Variants in PROB1 observed in about 807,000 individuals in gnomAD.
The protein encoded by PROB1 is proline rich basic protein 1, also known as proline-rich basic protein 1.
For synonymous variants in PROB1, 660 were observed against 699.3 expected (o/e 0.94, Z 0.89); for missense variants, 1,453 against 1,485.7 (o/e 0.98, Z 0.36).
rs992477832 is a variant in PROB1 at position 139,393,799 on chromosome 5, G to A, written c.1283C>T (p.Pro428Leu). Residue 428 changes from proline (P) to leucine (L), a missense_variant, in exon 1 of 1, where the codon CCA becomes CTA. By Grantham distance (98) the Pro-to-Leu change is moderately conservative (BLOSUM62 -3). Transcript: ENST00000434752. ...WDRTTRRVSS[P>L]LFPEASSEWE... ...CTCGGAGGAGGCTTCAGGGAACAAT[G>A]GGCTACTCACCCTCCGAGTAGTCCG... 2.1e-5 allele frequency: 32 copies of A among 1,551,294 alleles called. No individual in the cohort carries two copies. Among genetic ancestry groups the A allele is most frequent in the Non-Finnish European group, 2.7e-5 (31 of 1,146,986 alleles).
chr5:139,394,428 A>G lies in PROB1; in HGVS notation c.654T>C (p.Ser218=). Residue 218 remains serine, a synonymous_variant, in exon 1 of 1, where the codon AGT becomes AGC. Coordinates refer to ENST00000434752, the MANE Select transcript of PROB1 (RefSeq NM_001161546.2). Reference sequence around the variant, plus strand: ...GCGGCGCGCCGGCCGCCCTTGGGGGACTCTGGGGCCGGGGGCGCAGCTCGA... The same window carrying G: ...GCGGCGCGCCGGCCGCCCTTGGGGGGCTCTGGGGCCGGGGGCGCAGCTCGA... ...RQIELRPRPQ[S]PPRAAGAPRP... 1 of 1,390,132 alleles carries G rather than the reference A, an allele frequency of 7.2e-7. No individual in the cohort carries two copies. The highest frequency in any genetic ancestry group is 2.9e-5 in the East Asian group (1 of 34,058). The allele number at this position is 1,390,132 out of a possible 1,614,324, so 86.1% of individuals were successfully genotyped here.
Position 139,395,017 on chromosome 5 carries a change from G to A in PROB1, c.65C>T (p.Ala22Val). Reference sequence around the variant, plus strand: ...CGAACCGGAGGAGTCCTGGCGCCGCGCGGGGGCCGTGGGCAGCTGCCTCGG... The same window carrying A: ...CGAACCGGAGGAGTCCTGGCGCCGCACGGGGGCCGTGGGCAGCTGCCTCGG... ...GIPRQLPTAP[A>V]RRQDSSGSSG... is the part of the protein sequence containing the mutation. The change falls in exon 1 of 1, where the codon GCG (alanine) becomes GTG (valine). Residue 22 changes from alanine to valine, a missense_variant. Ala to Val is a moderately conservative substitution (Grantham distance 64). Transcript: ENST00000434752. The A allele has an allele frequency of 6.8e-7, 1 of 1,460,128 alleles. No homozygotes were observed. The highest frequency in any genetic ancestry group is 9.0e-7 in the Non-Finnish European group (1 of 1,107,486). 90.4% of individuals were successfully genotyped at this position (1,460,128 alleles called of 1,614,324 possible).
Position 139,393,519 on chromosome 5 carries a change from T to C in PROB1, c.1563A>G (p.Thr521=), listed in dbSNP as rs1344550826. The C allele has an allele frequency of 3.9e-6, 6 of 1,551,430 alleles. No homozygotes were observed. The highest frequency in any genetic ancestry group is 5.2e-6 in the Non-Finnish European group (6 of 1,146,920). Residue 521 remains threonine (T), a synonymous_variant, in exon 1 of 1, where the codon ACA becomes ACG. Coordinates refer to ENST00000434752, the MANE Select transcript of PROB1 (RefSeq NM_001161546.2). ...IGTWGPSPQE[T]WDPMGPGSSI... ...ATGAGCCCGGCCCCATGGGATCCCA[T>C]GTCTCTTGGGGAGATGGGCCCCAAG... is the stretch of plus-strand genomic sequence containing the variant.
rs1758595899 is a variant in PROB1 at position 139,391,100 on chromosome 5, A to T, written c.*934T>A. The T allele has an allele frequency of 6.6e-6, 1 of 152,096 alleles. No homozygotes were observed. Among genetic ancestry groups the T allele is most frequent in the South Asian group, 2.1e-4 (1 of 4,818 alleles). 9.4% of individuals were successfully genotyped at this position (152,096 alleles called of 1,614,324 possible). A position where few individuals can be genotyped will look rare whatever the true frequency, so the allele number is the denominator to read the frequency against. ...ATTGTTGCCACATCTGTTACTGGGG[A>T]GTGGAACCTGCCAAGAGCTTCAGAT... On this transcript the variant is annotated 3_prime_UTR_variant, in exon 1 of 1. Coordinates refer to ENST00000434752, the MANE Select transcript of PROB1 (RefSeq NM_001161546.2). The surrounding 1 kb of genome is among the most constrained non-coding windows in gnomAD (Gnocchi z 4.8).
rs1262807131 is a variant in PROB1, at chr5:139,394,815, C to T, written c.267G>A (p.Pro89=). ...RQRHGPGSGF[P]RGPGSGPRPP... ...GCCGTGGGCCGGAACCTGGGCCTCG[C>T]GGGAAACCCGAGCCGGGCCCGTGCC... Residue 89 remains proline (P), a synonymous_variant, in exon 1 of 1, where the codon CCG becomes CCA. Coordinates refer to ENST00000434752, the MANE Select transcript of PROB1 (RefSeq NM_001161546.2). 6.5e-7 allele frequency: 1 copy of T among 1,529,230 alleles called. No individual in the cohort carries two copies. The highest frequency in any genetic ancestry group is 2.0e-5 in the Admixed American group (1 of 49,002). 94.7% of individuals were successfully genotyped at this position (1,529,230 alleles called of 1,614,324 possible).
Position 139,394,401 on chromosome 5 carries a change from G to C in PROB1, c.681C>G (p.Arg227=), listed in dbSNP as rs925416840. ...AACCGGTGCGCAGGAGCAGCCGGGGGCGCGGCGCGCCGGCCGCCCTTGGGG... is the reference window on the plus strand; with the variant it reads ...AACCGGTGCGCAGGAGCAGCCGGGGCCGCGGCGCGCCGGCCGCCCTTGGGG... ...QSPPRAAGAP[R]PRLLLRTGSL... is the part of the protein sequence containing the mutation. Residue 227 remains arginine, a synonymous_variant, in exon 1 of 1, where the codon CGC becomes CGG. Coordinates refer to ENST00000434752, the MANE Select transcript of PROB1 (RefSeq NM_001161546.2). The C allele has an allele frequency of 2.2e-6, 3 of 1,390,410 alleles. No individual in the cohort carries two copies. The highest frequency in any genetic ancestry group is 3.1e-5 in the African/African-American group (2 of 65,156). 86.1% of individuals were successfully genotyped at this position (1,390,410 alleles called of 1,614,324 possible). A position where few individuals can be genotyped will look rare whatever the true frequency, so the allele number is the denominator to read the frequency against.
At position 139,394,240 on chromosome 5, in the gene PROB1, G is replaced by T; in HGVS notation, c.842C>A (p.Thr281Asn). ...GTGGGTGCTGCGGGCCGTTTCCCGGGTCTCAGGTTCCGACCGCCCCGTGGA... is the reference window on the plus strand; with the variant it reads ...GTGGGTGCTGCGGGCCGTTTCCCGGTTCTCAGGTTCCGACCGCCCCGTGGA... Reference protein sequence around the residue: ...FGSTGRSEPETRETARSTHVV... With the variant: ...FGSTGRSEPENRETARSTHVV... Residue 281 changes from threonine (T) to asparagine (N), a missense_variant, in exon 1 of 1, where the codon ACC (threonine) becomes AAC (asparagine). Transcript: ENST00000434752. The T allele has an allele frequency of 2.6e-6, 4 of 1,548,530 alleles. No individual in the cohort carries two copies. The highest frequency in any genetic ancestry group is 1.7e-4 in the Middle Eastern group (1 of 5,982).
rs1027798141 is a variant in PROB1 at position 139,393,744 on chromosome 5, T to G, written c.1338A>C (p.Glu446Asp). Reference protein sequence around the residue: ...EWENQNPAVEETVSRRSPSPP... With the variant: ...EWENQNPAVEDTVSRRSPSPP... ...GGGAAGGGCTTCTCCTGCTGACAGTTTCCTCGACGGCAGGATTTTGATTTT... is the reference window on the plus strand; with the variant it reads ...GGGAAGGGCTTCTCCTGCTGACAGTGTCCTCGACGGCAGGATTTTGATTTT... The change falls in exon 1 of 1, where the codon GAA (glutamate) becomes GAC (aspartate). Residue 446 changes from glutamate (E) to aspartate (D), a missense_variant. Transcript: ENST00000434752. The G allele has an allele frequency of 5.2e-6, 8 of 1,551,276 alleles. No homozygotes were observed. The highest frequency in any genetic ancestry group is 7.0e-6 in the Non-Finnish European group (8 of 1,146,964).
chr5:139,393,402 T>C lies in PROB1; in HGVS notation c.1680A>G (p.Thr560=). The C allele has an allele frequency of 6.4e-7, 1 of 1,551,676 alleles. No homozygotes were observed. Among genetic ancestry groups the C allele is most frequent in the Non-Finnish European group, 8.7e-7 (1 of 1,146,998 alleles). ...CCCGCGTGGATGGACTCTGCATCTC[T>C]GTTGGTTCTGGAGTGCCGGGTGCGG... ...TPSAPGTPEP[T]EMQSPSTREI... The change falls in exon 1 of 1, where the codon ACA becomes ACG. Residue 560 remains threonine, a synonymous_variant. Coordinates refer to ENST00000434752, the MANE Select transcript of PROB1 (RefSeq NM_001161546.2).
chr5:139,393,751 AC>A lies in PROB1; in HGVS notation c.1330del (p.Val444SerfsTer88). The A allele has an allele frequency of 1.3e-6, 2 of 1,551,310 alleles. No individual in the cohort carries two copies. The highest frequency in any genetic ancestry group is 1.7e-6 in the Non-Finnish European group (2 of 1,146,958). ...GCTTCTCCTGCTGACAGTTTCCTCG[AC>A]GGCAGGATTTTGATTTTCCCACTCG... ...SSEWENQNPA[V>X]EETVSRRSPS... On this transcript the variant is annotated frameshift_variant, in exon 1 of 1. Transcript: ENST00000434752. LOFTEE classifies it low-confidence loss of function (END_TRUNC).
chr5:139,394,937 C>T lies in PROB1; in HGVS notation c.145G>A (p.Asp49Asn), dbSNP rs1316537011. 2.9e-5 allele frequency: 44 copies of T among 1,520,820 alleles called. No individual in the cohort carries two copies. The East Asian group carries it at 1.2e-3, about 40-fold the overall frequency. 94.2% of individuals were successfully genotyped at this position (1,520,820 alleles called of 1,614,324 possible). ...GGCCAATTCGCTGGGCCTTTCGCGT[C>T]CGGCCCAACGTCCGGGGGCTCCGGA... is the stretch of plus-strand genomic sequence containing the variant. The part of the protein sequence containing the change: ...GSPEPPDVGP[D>N]AKGPANWPWV... Residue 49 changes from aspartate (D) to asparagine (N), a missense_variant, in exon 1 of 1, where the codon GAC (aspartate) becomes AAC (asparagine). Physicochemically the swap from Asp to Asn is conservative, Grantham distance 23 (BLOSUM62 1). Transcript: ENST00000434752.
At position 139,391,814 on chromosome 5, in the gene PROB1, T is replaced by C. The variant is rs948907391; in HGVS notation, c.*220A>G. The C allele has an allele frequency of 1.4e-4, 58 of 408,522 alleles. No homozygotes were observed. In the Admixed American group the frequency reaches 1.7e-3, roughly 12 times the overall value. 25.3% of individuals were successfully genotyped at this position (408,522 alleles called of 1,614,324 possible). ...TGGGAATGCCTGGGAAAGGGATACATAATTTTGTTGGGGGAGGAAGTAGGC... is the reference window on the plus strand; with the variant it reads ...TGGGAATGCCTGGGAAAGGGATACACAATTTTGTTGGGGGAGGAAGTAGGC... On this transcript the variant is annotated 3_prime_UTR_variant, in exon 1 of 1. Transcript: ENST00000434752. The surrounding 1 kb of genome is among the most constrained non-coding windows in gnomAD (Gnocchi z 4.8).
In PROB1 at chr5:139,393,008, G is replaced by C; in HGVS notation, c.2074C>G (p.Pro692Ala). ...VFIKDFLPVV[P>A]HPYEPPEPSF... ...GGTTCAGGAGGCTCGTAGGGGTGCG[G>C]CACCACCGGTAGAAAATCCTTGATG... The change falls in exon 1 of 1, where the codon CCG (proline) becomes GCG (alanine). Residue 692 changes from proline to alanine, a missense_variant. Physicochemically the swap from Pro to Ala is conservative, Grantham distance 27. Transcript: ENST00000434752. 6.6e-7 allele frequency: 1 copy of C among 1,520,788 alleles called. No individual in the cohort carries two copies. The highest frequency in any genetic ancestry group is 8.8e-7 in the Non-Finnish European group (1 of 1,132,176). The allele number at this position is 1,520,788 out of a possible 1,614,324, so 94.2% of individuals were successfully genotyped here.
rs968916692 is a variant in PROB1 at position 139,393,014 on chromosome 5, C to T, written c.2068G>A (p.Val690Met). The T allele has an allele frequency of 5.9e-6, 9 of 1,522,118 alleles. No homozygotes were observed. The African/African-American group carries it at 1.1e-4, about 19-fold the overall frequency. The allele number at this position is 1,522,118 out of a possible 1,614,324, so 94.3% of individuals were successfully genotyped here. The change falls in exon 1 of 1, where the codon GTG becomes ATG. Residue 690 changes from valine to methionine, a missense_variant. By Grantham distance (21) the Val-to-Met change is conservative. Transcript: ENST00000434752. The part of the protein sequence containing the change: ...TSVFIKDFLP[V>M]VPHPYEPPEP... ...GGAGGCTCGTAGGGGTGCGGCACCA[C>T]CGGTAGAAAATCCTTGATGAAAACG...
In PROB1 at chr5:139,392,723, G is replaced by T; in HGVS notation, c.2359C>A (p.Gln787Lys). The change falls in exon 1 of 1, where the codon CAG (glutamine) becomes AAG (lysine). Residue 787 changes from glutamine (Q) to lysine (K), a missense_variant. Coordinates refer to ENST00000434752, the MANE Select transcript of PROB1 (RefSeq NM_001161546.2). The surrounding 1 kb of genome is among the most constrained non-coding windows in gnomAD (Gnocchi z 5.8). ...CCTGCTGGCCCTACGGGGGAGCGCT[G>T]GGATGAGCTGCGGGCGCCGCCTAGA... ...SPLGGARSSS[Q>K]RSPVGPAGVR... 1 of 1,416,450 alleles carries T rather than the reference G, an allele frequency of 7.1e-7. No individual in the cohort carries two copies. The allele number at this position is 1,416,450 out of a possible 1,614,324, so 87.7% of individuals were successfully genotyped here. A position where few individuals can be genotyped will look rare whatever the true frequency, so the allele number is the denominator to read the frequency against.
At position 139,392,115 on chromosome 5, in the gene PROB1, G is replaced by C. The variant is rs1758607852; in HGVS notation, c.2967C>G (p.Pro989=). The change falls in exon 1 of 1, where the codon CCC becomes CCG. Residue 989 remains proline, a synonymous_variant. Transcript: ENST00000434752. The surrounding 1 kb of genome is among the most constrained non-coding windows in gnomAD (Gnocchi z 5.8). The part of the protein sequence containing the change: ...YYLPVSGTPN[P]APPLLLCAPP... ...GCGCACAGAGGAGCAGAGGAGGTGCGGGGTTGGGGGTCCCGCTCACCGGCA... is the reference window on the plus strand; with the variant it reads ...GCGCACAGAGGAGCAGAGGAGGTGCCGGGTTGGGGGTCCCGCTCACCGGCA... 3 of 1,411,684 alleles carry C rather than the reference G, an allele frequency of 2.1e-6. No individual in the cohort carries two copies. Among genetic ancestry groups the C allele is most frequent in the Non-Finnish European group, 2.8e-6 (3 of 1,078,900 alleles). 87.4% of individuals were successfully genotyped at this position (1,411,684 alleles called of 1,614,324 possible).
chr5:139,393,753 G>T lies in PROB1; in HGVS notation c.1329C>A (p.Ala443=). 1.3e-6 allele frequency: 2 copies of T among 1,551,354 alleles called. No homozygotes were observed. Among genetic ancestry groups the T allele is most frequent in the Non-Finnish European group, 1.7e-6 (2 of 1,146,976 alleles). ...TTCTCCTGCTGACAGTTTCCTCGAC[G>T]GCAGGATTTTGATTTTCCCACTCGG... The part of the protein sequence containing the change: ...ASSEWENQNP[A]VEETVSRRSP... Residue 443 remains alanine (A), a synonymous_variant, in exon 1 of 1, where the codon GCC becomes GCA. Transcript: ENST00000434752.
Position 139,392,040 on chromosome 5 carries a change from C to A in PROB1, c.3042G>T (p.Pro1014=), listed in dbSNP as rs1003236811. 6.2e-5 allele frequency: 86 copies of A among 1,396,712 alleles called. No individual in the cohort carries two copies. The highest frequency in any genetic ancestry group is 8.2e-5 in the South Asian group (5 of 60,834). The allele number at this position is 1,396,712 out of a possible 1,614,324, so 86.5% of individuals were successfully genotyped here. A position where few individuals can be genotyped will look rare whatever the true frequency, so the allele number is the denominator to read the frequency against. Residue 1014 remains proline, a synonymous_variant, in exon 1 of 1, where the codon CCG becomes CCT. Transcript: ENST00000434752. The surrounding 1 kb of genome is among the most constrained non-coding windows in gnomAD (Gnocchi z 5.8). The part of the protein sequence containing the change: ...PTQPGKGSLF[P]L ...TGGGGATCGGCCCGGGGCCTCACAG[C>A]GGGAACAATGAACCCTTGCCGGGCT... is the stretch of plus-strand genomic sequence containing the variant.
rs542059364 is a variant in PROB1 at position 139,394,719 on chromosome 5, G to A, written c.363C>T (p.Phe121=). The change falls in exon 1 of 1, where the codon TTC becomes TTT. Residue 121 remains phenylalanine (F), a synonymous_variant. Transcript: ENST00000434752. The part of the protein sequence containing the change: ...MEVIFGVGPL[F]GCSGADDREA... The stretch of plus-strand genomic sequence containing the variant: ...CGCGATCGTCTGCGCCGGAGCAGCC[G>A]AACAGGGGTCCGACGCCGAAGATGA... 2.7e-5 allele frequency: 42 copies of A among 1,532,040 alleles called. No individual in the cohort carries two copies. The South Asian group carries it at 5.0e-4, about 18-fold the overall frequency. The allele number at this position is 1,532,040 out of a possible 1,614,324, so 94.9% of individuals were successfully genotyped here.
Sources: allele counts gnomAD v4.1 joint callset, GRCh38; gene constraint gnomAD v4.1.1; non-coding constraint Gnocchi (gnomAD v3.1); transcripts MANE v1.5; gene names NCBI Gene and HGNC (gene_info 2026-07-23, HGNC 2026-07-21).